Variants in RIT2 observed in about 807,000 individuals in gnomAD.
RIT2 encodes Ras like without CAAX 2.
RIT2 carries 24 observed loss-of-function variants against 23.7 expected under a neutral mutation model. The observed-to-expected ratio is 1.01, with a 90% CI of 0.73 to 1.43. The LOEUF is 1.43. Among genes scored for constraint, RIT2 ranks in the 40% most tolerant of loss-of-function variants. The pLI is 0.00. For missense variants in RIT2, 236 were observed against 266.9 expected, an observed-to-expected ratio of 0.88 and a Z score of 0.81; for synonymous variants, 107 against 91.1, an observed-to-expected ratio of 1.17 and a Z score of -0.99.
intron 2 of RIT2, among the ~76,000 whole-genome samples, chr18:43,015,025 T>C (rs1165686457): frequency 6.6e-6 from 1 of 151,794 alleles, no homozygotes; most frequent in Non-Finnish European, 1.5e-5. Flanking sequence ...CATGCTTGTT[T>C]TGTATTAAAA....
intron 4 of RIT2, among the ~76,000 whole-genome samples, chr18:42,848,148 CCATGTTGA>C: frequency 6.6e-6 from 1 of 152,140 alleles, no homozygotes; most frequent in East Asian, 1.9e-4. Flanking sequence ...TCAATGTTGG[CCATGTTGA>C]CATGTTGACC....
intron 1 of RIT2, among the ~76,000 whole-genome samples, chr18:43,095,044 T>C (rs1913519358): frequency 6.6e-6 from 1 of 152,034 alleles, no homozygotes; most frequent in Non-Finnish European, 1.5e-5. Context: ...GTCTTTATAG[T>C]AGCATGATTT....
chr18:42,893,680 C>T (rs1264800832), intron 4 of RIT2, among the ~76,000 whole-genome samples: 1 of 152,096 alleles, frequency 6.6e-6, no homozygotes, highest in Non-Finnish European at 1.5e-5. Context: ...AAATGAAACA[C>T]CACCTTTGAA....
At chr18:43,038,963 A>G (rs1180328176) in intron 1 of RIT2, among the ~76,000 whole-genome samples, 1 of 151,910 alleles carries the variant, frequency 6.6e-6, no homozygotes, top group Non-Finnish European at 1.5e-5. Flanking sequence ...AGTAATTGTC[A>G]TATATTGTTT....
chr18:43,086,547 CTTG>C (rs1913286822), intron 1 of RIT2, among the ~76,000 whole-genome samples: 1 of 152,092 alleles, frequency 6.6e-6, no homozygotes, highest in Non-Finnish European at 1.5e-5. Context: ...AGAGACAAAA[CTTG>C]AAGGCTGTGT....
At chr18:43,070,582 T>C (rs908773795) in intron 1 of RIT2, among the ~76,000 whole-genome samples, 2 of 152,206 alleles carry the variant, frequency 1.3e-5, no homozygotes, top group African/African-American at 4.8e-5. Flanking sequence ...CAGGATGTGT[T>C]TTTAACCAGA....
intron 3 of RIT2, among the ~76,000 whole-genome samples, chr18:42,962,836 T>A (rs1042596470): frequency 6.6e-6 from 1 of 152,174 alleles, no homozygotes; most frequent in East Asian, 1.9e-4. Flanking sequence ...GATGCTAGTA[T>A]ACAAATAAAC....
chr18:43,102,445 C>CTTTTT lies in RIT2; in HGVS notation c.103+12967_103+12971dup, dbSNP rs200839354. On this transcript the variant is annotated intron_variant, in intron 1 of 4. Coordinates refer to ENST00000326695, the MANE Select transcript of RIT2 (RefSeq NM_002930.4). Reference sequence around the variant, plus strand: ...TCCTCACTCCAACCCTCAGGAAACCCTTTTTTTTTTTTTTTTTTTTTTTCC... The same window carrying CTTTTT: ...TCCTCACTCCAACCCTCAGGAAACCCTTTTTTTTTTTTTTTTTTTTTTTTTTTTCC... 1.8e-3 allele frequency among the ~76,000 whole-genome samples: 203 copies of CTTTTT among 109,936 alleles called. 2 individuals are homozygous for CTTTTT. The highest frequency in any genetic ancestry group is 3.1e-3 in the Non-Finnish European group (169 of 54,456). The allele number at this position is 109,936 out of a possible 152,430, so 72.1% of individuals were successfully genotyped here.
At chr18:42,767,996 C>T (rs1913466072) in intron 4 of RIT2, among the ~76,000 whole-genome samples, 1 of 151,694 alleles carries the variant, frequency 6.6e-6, no homozygotes, top group Admixed American at 6.6e-5. Flanking sequence ...TCAAGTATGT[C>T]TTTATCAGCA....
intron 2 of RIT2, among the ~76,000 whole-genome samples, chr18:43,011,427 T>C (rs1039985737): frequency 6.6e-6 from 1 of 151,702 alleles, no homozygotes; most frequent in Non-Finnish European, 1.5e-5. Flanking sequence ...GACAAAGAAG[T>C]GGAGGGGAAG....
chr18:42,802,056 T>A (rs998180909), intron 4 of RIT2, among the ~76,000 whole-genome samples: 2 of 152,098 alleles, frequency 1.3e-5, no homozygotes, highest in African/African-American at 4.8e-5. Flanking sequence ...AAAGAAGGCA[T>A]GAAAACAATG....
At chr18:43,088,006 T>A (rs1913326853) in intron 1 of RIT2, among the ~76,000 whole-genome samples, 1 of 152,192 alleles carries the variant, frequency 6.6e-6, no homozygotes, top group Admixed American at 6.5e-5. Flanking sequence ...TGGACACAAT[T>A]ACAAAGCCTA....
intron 4 of RIT2, among the ~76,000 whole-genome samples, chr18:42,865,298 G>A (rs2144055089): frequency 6.6e-6 from 1 of 152,282 alleles, no homozygotes; most frequent in South Asian, 2.1e-4. Flanking sequence ...TTTCCTTGAG[G>A]ACCTGATGTG....
intron 3 of RIT2, among the ~76,000 whole-genome samples, chr18:42,964,491 C>T: frequency 6.6e-6 from 1 of 152,116 alleles, no homozygotes; most frequent in East Asian, 1.9e-4. Flanking sequence ...GGTGCAGTCA[C>T]TACTCCACCC....
intron 4 of RIT2, among the ~76,000 whole-genome samples, chr18:42,769,258 T>C (rs562938774): frequency 6.6e-6 from 1 of 152,358 alleles, no homozygotes; most frequent in South Asian, 2.1e-4. Context: ...TTATAGGAGC[T>C]AATACATTCA....
chr18:43,081,137 A>C (rs774937160), intron 1 of RIT2, among the ~76,000 whole-genome samples: 6 of 152,144 alleles, frequency 3.9e-5, no homozygotes, highest in Non-Finnish European at 5.9e-5. Flanking sequence ...TACTAATTAC[A>C]CATATAGATC....
At chr18:42,868,690 G>A (rs767055037) in intron 4 of RIT2, among the ~76,000 whole-genome samples, 1 of 152,164 alleles carries the variant, frequency 6.6e-6, no homozygotes, top group African/African-American at 2.4e-5. Flanking sequence ...ATCTTTGTTA[G>A]CATCGATCCA....
intron 4 of RIT2, among the ~76,000 whole-genome samples, chr18:42,878,615 T>C (rs1802414148): frequency 6.6e-6 from 1 of 150,964 alleles, no homozygotes; most frequent in African/African-American, 2.4e-5. Flanking sequence ...GTATAAGTTA[T>C]ATAATCAAAC....
intron 4 of RIT2, among the ~76,000 whole-genome samples, chr18:42,918,480 C>T (rs1049581078): frequency 2.0e-5 from 3 of 151,794 alleles, no homozygotes; most frequent in South Asian, 4.2e-4. Context: ...AGTAAATTAC[C>T]GAACCTTTTT....
Sources: allele counts gnomAD v4.1 joint callset (sites outside exome capture counted in the v4.1 genomes callset), GRCh38; gene constraint gnomAD v4.1.1; transcripts MANE v1.5; gene names NCBI Gene and HGNC (gene_info 2026-07-23, HGNC 2026-07-21).